The following ST3GAL2 variants were observed in gnomAD, a reference collection of about 807,000 sequenced individuals.
ST3GAL2 encodes ST3 beta-galactoside alpha-2,3-sialyltransferase 2, also known as CMP-N-acetylneuraminate-beta-galactosamide-alpha-2,3-sialyltransferase 2.
A neutral mutation model predicts 37.5 loss-of-function variants in ST3GAL2; 16 were observed. The observed-to-expected ratio is 0.43, with a 90% CI of 0.29 to 0.65. The LOEUF (loss-of-function observed/expected upper bound fraction) is 0.65, where lower values mean the gene tolerates loss of function less well. Ranked by LOEUF, ST3GAL2 falls within the 30% of genes least tolerant of loss-of-function variation. The probability of loss-of-function intolerance (pLI) is 0.17; values close to 1 mark genes in which losing one functional copy is unlikely to be tolerated. For missense variants in ST3GAL2, 383 were observed against 487.8 expected (o/e 0.79, Z 2.02); for synonymous variants, 238 against 202.9 (o/e 1.17, Z -1.47).
chr16:70,394,977 C>T lies in ST3GAL2; in HGVS notation c.533+5G>A, dbSNP rs2047505466. On this transcript the variant is annotated splice_donor_5th_base_variant and intron_variant, in intron 3 of 6. Transcript: ENST00000342907. ...AGCCCACCCTTGGGCTCCACAGGGGCTCACCTCATGATGAAGTTGTGCCCG... is the reference window on the plus strand; with the variant it reads ...AGCCCACCCTTGGGCTCCACAGGGGTTCACCTCATGATGAAGTTGTGCCCG... 6.2e-7 allele frequency: 1 copy of T among 1,611,872 alleles called. No individual in the cohort carries two copies. Among genetic ancestry groups the T allele is most frequent in the African/African-American group, 1.3e-5 (1 of 74,866 alleles).
intron 1 of ST3GAL2, among the ~76,000 whole-genome samples, chr16:70,420,783 C>T (rs565246755): frequency 6.6e-6 from 1 of 152,198 alleles, no homozygotes; most frequent in South Asian, 2.1e-4. Context: ...CTCATGGAAA[C>T]TCAAGGAAGG....
At position 70,380,724 on chromosome 16, in the gene ST3GAL2, T is replaced by C. The variant is rs2047394568; in HGVS notation, c.*965A>G. ...CCAAAGAATGAGCCCCAGGCAAAGTTACCCCCAGGCAAGAGGCGATGGGTG... is the reference window on the plus strand; with the variant it reads ...CCAAAGAATGAGCCCCAGGCAAAGTCACCCCCAGGCAAGAGGCGATGGGTG... On this transcript the variant is annotated 3_prime_UTR_variant, in exon 7 of 7. Transcript: ENST00000342907. 2 of 152,502 alleles carry C rather than the reference T, an allele frequency of 1.3e-5. No homozygotes were observed. The highest frequency in any genetic ancestry group is 6.5e-5 in the Admixed American group (1 of 15,284). 9.4% of individuals were successfully genotyped at this position (152,502 alleles called of 1,614,324 possible). A position where few individuals can be genotyped will look rare whatever the true frequency, so the allele number is the denominator to read the frequency against.
chr16:70,435,371 G>A (rs991706527), intron 1 of ST3GAL2, among the ~76,000 whole-genome samples: 5 of 152,146 alleles, frequency 3.3e-5, no homozygotes, highest in Admixed American at 1.3e-4. Flanking sequence ...TCCAGCGGGC[G>A]GATCACCTGA....
chr16:70,407,431 G>A (rs1373102683), intron 1 of ST3GAL2, among the ~76,000 whole-genome samples: 7 of 152,200 alleles, frequency 4.6e-5, no homozygotes, highest in Admixed American at 2.6e-4. Context: ...GTGAGCCACT[G>A]TGCCAATACT....
intron 1 of ST3GAL2, among the ~76,000 whole-genome samples, chr16:70,420,017 C>CA (rs1461685327): frequency 5.6e-4 from 84 of 149,408 alleles, no homozygotes; most frequent in Non-Finnish European, 8.4e-4. Context: ...TTTGACCCCC[C>CA]CCTTCCCTTT....
chr16:70,381,578 G>C lies in ST3GAL2; in HGVS notation c.*111C>G, dbSNP rs1322968669. On this transcript the variant is annotated 3_prime_UTR_variant, in exon 7 of 7. Transcript: ENST00000342907. ...CCAGTCTCGTGATTGGCGGGGCACA[G>C]CAGACGCCCCTGGGCTGCAGCATGA... 7.5e-7 allele frequency: 1 copy of C among 1,331,592 alleles called. No individual in the cohort carries two copies. Among genetic ancestry groups the C allele is most frequent in the Non-Finnish European group, 1.0e-6 (1 of 990,196 alleles). 82.5% of individuals were successfully genotyped at this position (1,331,592 alleles called of 1,614,324 possible).
rs897068079 is a variant in ST3GAL2, at chr16:70,410,599, CT to C, written c.-1003-11067del. Among the ~76,000 whole-genome samples, 71 of 150,262 alleles carry C rather than the reference CT, an allele frequency of 4.7e-4. 2 individuals are homozygous for C. The highest frequency in any genetic ancestry group is 3.7e-4 in the Non-Finnish European group (25 of 67,512). ...CCCTCCTGGTCTGGAAATTATATTA[CT>C]TTTTTTTTAGTGATTAATCTTATAT... On this transcript the variant is annotated intron_variant, in intron 1 of 6. Transcript: ENST00000342907.
chr16:70,405,397 C>T (rs1400919402), intron 1 of ST3GAL2, among the ~76,000 whole-genome samples: 4 of 151,696 alleles, frequency 2.6e-5, no homozygotes, highest in East Asian at 3.9e-4. Context: ...AAAAATTAGC[C>T]GGGCATGGTG....
At chr16:70,406,793 G>C (rs1164261390) in intron 1 of ST3GAL2, among the ~76,000 whole-genome samples, 1 of 151,576 alleles carries the variant, frequency 6.6e-6, no homozygotes, top group Non-Finnish European at 1.5e-5. Flanking sequence ...AAAAAAAAAA[G>C]GAATGGGATG....
intron 1 of ST3GAL2, among the ~76,000 whole-genome samples, chr16:70,432,761 G>A (rs568963070): frequency 1.1e-4 from 16 of 152,296 alleles, no homozygotes; most frequent in East Asian, 3.9e-4. Flanking sequence ...AGGAAAACTC[G>A]GTCTCAGAAA....
chr16:70,426,381 G>A (rs754691991), intron 1 of ST3GAL2, among the ~76,000 whole-genome samples: 73 of 151,288 alleles, frequency 4.8e-4, no homozygotes, highest in Non-Finnish European at 4.0e-4. Flanking sequence ...TATATTTTTC[G>A]TAGACACGGG....
intron 1 of ST3GAL2, among the ~76,000 whole-genome samples, chr16:70,428,594 C>A (rs146117267): frequency 2.6e-5 from 4 of 152,346 alleles, no homozygotes; most frequent in Non-Finnish European, 5.9e-5. Context: ...ACCCCTCTAT[C>A]CTATCCCTCC....
rs1397244157 is a variant in ST3GAL2, at chr16:70,431,963, T to TAA, written c.-1004+6984_-1004+6985dup. On this transcript the variant is annotated intron_variant, in intron 1 of 6. Transcript: ENST00000342907. ...TGGGCAACAGAGCGAGACTCCGTCT[T>TAA]AAAAAAAATATATATATATATATTT... Among the ~76,000 whole-genome samples the TAA allele has an allele frequency of 1.4e-3, 199 of 138,642 alleles. 1 individual carries two copies. The highest frequency in any genetic ancestry group is 5.5e-3 in the African/African-American group (163 of 29,424). 91.0% of individuals were successfully genotyped at this position (138,642 alleles called of 152,430 possible).
intron 1 of ST3GAL2, among the ~76,000 whole-genome samples, chr16:70,415,519 G>C (rs1467712180): frequency 2.7e-5 from 4 of 148,322 alleles, no homozygotes; most frequent in Admixed American, 2.0e-4. Flanking sequence ...ACAACCCCAG[G>C]GTGTTTCTCT....
rs1433350530 is a variant in ST3GAL2, at chr16:70,376,394, G to A, written c.*5295C>T. On this transcript the variant is annotated 3_prime_UTR_variant, in exon 7 of 7. Transcript: ENST00000342907. The stretch of plus-strand genomic sequence containing the variant: ...AGAGAACCAGGCTGCCAGAGAGTCT[G>A]TGCTGTTCTCAGCAGCACAAACAGT... 6.6e-6 allele frequency: 1 copy of A among 152,230 alleles called. No individual in the cohort carries two copies. The highest frequency in any genetic ancestry group is 1.5e-5 in the Non-Finnish European group (1 of 68,056). The allele number at this position is 152,230 out of a possible 1,614,324, so 9.4% of individuals were successfully genotyped here.
At chr16:70,386,591 C>G (rs2047445382) in intron 4 of ST3GAL2, among the ~76,000 whole-genome samples, 1 of 152,022 alleles carries the variant, frequency 6.6e-6, no homozygotes, top group African/African-American at 2.4e-5. Flanking sequence ...CCCACATCGG[C>G]CTCCCAAAGG....
Position 70,386,120 on chromosome 16 carries a change from G to C in ST3GAL2, c.713+2247C>G, listed in dbSNP as rs144267974. On this transcript the variant is annotated intron_variant, in intron 4 of 6. Transcript: ENST00000342907. The stretch of plus-strand genomic sequence containing the variant: ...ACTGTAACCTCTGCCTCCCAGGTTC[G>C]AGCGATTCTCCTGCCTCAGCCTCCC... Among the ~76,000 whole-genome samples the C allele has an allele frequency of 2.0e-5, 3 of 151,328 alleles. No individual in the cohort carries two copies. The East Asian group carries it at 5.8e-4, about 29-fold the overall frequency.
intron 1 of ST3GAL2, chr16:70,423,023 C>G (rs904926583): frequency 6.6e-6 from 1 of 152,284 alleles, no homozygotes; most frequent in South Asian, 2.1e-4. Flanking sequence ...CCAAATCCCT[C>G]AACAGAATTG....
At chr16:70,386,554 G>T (rs2151657799) in intron 4 of ST3GAL2, among the ~76,000 whole-genome samples, 1 of 152,246 alleles carries the variant, frequency 6.6e-6, no homozygotes, top group South Asian at 2.1e-4. Flanking sequence ...TGGCCAGGAT[G>T]GTCTTGATCT....
Sources: allele counts gnomAD v4.1 joint callset (sites outside exome capture counted in the v4.1 genomes callset), GRCh38; gene constraint gnomAD v4.1.1; transcripts MANE v1.5; gene names NCBI Gene and HGNC (gene_info 2026-07-23, HGNC 2026-07-21).